CNTN3: variants seen among roughly 807,000 people sequenced by gnomAD.
CNTN3 encodes contactin-3.
CNTN3 carries 60 observed loss-of-function variants against 119.1 expected under a neutral mutation model. That is an observed-to-expected ratio of 0.50 (90% CI 0.41 to 0.62). The LOEUF (loss-of-function observed/expected upper bound fraction) is 0.62. Ranked by LOEUF, CNTN3 falls within the 20% of genes least tolerant of loss-of-function variation. The pLI is 0.00. For missense variants in CNTN3, 1,101 were observed against 1,242.4 expected (o/e 0.89, Z 1.71); for synonymous variants, 450 against 438.7 (o/e 1.03, Z -0.32).
chr3:74,452,902 G>C (rs1043503340), intron 4 of CNTN3, among the ~76,000 whole-genome samples: 4 of 151,520 alleles, frequency 2.6e-5, no homozygotes, highest in Non-Finnish European at 4.4e-5. Flanking sequence ...TTGATGTGCT[G>C]CTGGATTCGG....
chr3:74,543,523 T>C (rs1044619141), intron 1 of CNTN3, among the ~76,000 whole-genome samples: 3 of 152,202 alleles, frequency 2.0e-5, no homozygotes, highest in African/African-American at 4.8e-5. Flanking sequence ...TTAATGAATA[T>C]AAATAAGCTA....
chr3:74,520,483 A>C (rs534969564), intron 2 of CNTN3, among the ~76,000 whole-genome samples: 1 of 151,502 alleles, frequency 6.6e-6, no homozygotes, highest in Non-Finnish European at 1.5e-5. Flanking sequence ...AAAATAAAAT[A>C]AAATTAACAA....
At chr3:74,475,373 C>T (rs1014889837) in intron 4 of CNTN3, among the ~76,000 whole-genome samples, 2 of 152,158 alleles carry the variant, frequency 1.3e-5, no homozygotes, top group African/African-American at 4.8e-5. Context: ...ACCGTGGTTG[C>T]TGGAACAGTG....
At chr3:74,473,128 C>G (rs150941042) in intron 4 of CNTN3, among the ~76,000 whole-genome samples, 334 of 149,784 alleles carry the variant, frequency 2.2e-3, no homozygotes, top group Middle Eastern at 0.01. Context: ...CTGATAGGAG[C>G]AATGTGGTCA....
chr3:74,508,649 A>C lies in CNTN3; in HGVS notation c.56-8864T>G, dbSNP rs535700760. ...AATCCTTACTGCATGCTGGACTGTT[A>C]ACTTTTTTCCTTTATATTCTATTCT... is the stretch of plus-strand genomic sequence containing the variant. On this transcript the variant is annotated intron_variant, in intron 2 of 22. Transcript: ENST00000263665. Among the ~76,000 whole-genome samples, 35 of 145,880 alleles carry C rather than the reference A, an allele frequency of 2.4e-4. No individual in the cohort carries two copies. The Admixed American group carries it at 2.5e-3, about 10-fold the overall frequency.
intron 2 of CNTN3, among the ~76,000 whole-genome samples, chr3:74,501,868 C>T (rs1703172671): frequency 6.6e-6 from 1 of 151,618 alleles, no homozygotes; most frequent in Non-Finnish European, 1.5e-5. Flanking sequence ...TTGCTACTAA[C>T]ACTCCTAATT....
intron 2 of CNTN3, among the ~76,000 whole-genome samples, chr3:74,512,848 T>C (rs1038165711): frequency 7.2e-5 from 11 of 152,084 alleles, no homozygotes; most frequent in African/African-American, 2.7e-4. Context: ...ATTATCTACA[T>C]AATTATGCTC....
At chr3:74,563,410 A>T (rs1193824170) in intron 1 of CNTN3, among the ~76,000 whole-genome samples, 6 of 152,184 alleles carry the variant, frequency 3.9e-5, no homozygotes. Context: ...ACAAATGCAA[A>T]CATGTTAACA....
At chr3:74,455,551 G>A (rs1480401700) in intron 4 of CNTN3, among the ~76,000 whole-genome samples, 2 of 152,098 alleles carry the variant, frequency 1.3e-5, no homozygotes, top group Non-Finnish European at 2.9e-5. Flanking sequence ...GAGGAACTGC[G>A]ATCCTTTGGA....
chr3:74,396,511 C>T (rs1201379482), intron 5 of CNTN3, among the ~76,000 whole-genome samples: 1 of 152,042 alleles, frequency 6.6e-6, no homozygotes, highest in Non-Finnish European at 1.5e-5. Context: ...CTTTGGGAGG[C>T]CGAGGCGGGT....
rs895053200 is a variant in CNTN3 at position 74,444,940 on chromosome 3, A to C, written c.359-20000T>G. 2.0e-5 allele frequency among the ~76,000 whole-genome samples: 3 copies of C among 152,224 alleles called. No homozygotes were observed. In the East Asian group the frequency reaches 5.8e-4, roughly 29 times the overall value. On this transcript the variant is annotated intron_variant, in intron 4 of 22. Transcript: ENST00000263665. ...TGTAGCACCAAAATCTCTTCCCCAC[A>C]ATGCCACACATCCTAATATGAAAAG...
chr3:74,501,490 A>G (rs1190980944), intron 2 of CNTN3, among the ~76,000 whole-genome samples: 1 of 152,094 alleles, frequency 6.6e-6, no homozygotes, highest in African/African-American at 2.4e-5. Context: ...TGATTTTAGT[A>G]TGGATCCTTT....
chr3:74,600,294 TG>T (rs1385591620), intron 1 of CNTN3, among the ~76,000 whole-genome samples: 3 of 152,084 alleles, frequency 2.0e-5, no homozygotes, highest in Non-Finnish European at 4.4e-5. Flanking sequence ...TGGAGAAAAG[TG>T]GGACCAACTT....
chr3:74,498,982 A>C (rs1213270155), intron 3 of CNTN3, among the ~76,000 whole-genome samples: 1 of 151,888 alleles, frequency 6.6e-6, no homozygotes, highest in Non-Finnish European at 1.5e-5. Flanking sequence ...TTAATAATAC[A>C]AATACCCATC....
At chr3:74,504,448 CTT>C (rs1703217360) in intron 2 of CNTN3, among the ~76,000 whole-genome samples, 1 of 152,098 alleles carries the variant, frequency 6.6e-6, no homozygotes, top group South Asian at 2.1e-4. Context: ...TAGGAAAAAA[CTT>C]TTAAAAGATG....
At chr3:74,277,566 A>T (rs1287265994) in intron 20 of CNTN3, among the ~76,000 whole-genome samples, 2 of 152,182 alleles carry the variant, frequency 1.3e-5, no homozygotes, top group African/African-American at 2.4e-5. Context: ...AAAATCCAGC[A>T]TCCCTTTATG....
At chr3:74,269,707 C>CTA (rs539620563) in intron 20 of CNTN3, among the ~76,000 whole-genome samples, 50 of 152,182 alleles carry the variant, frequency 3.3e-4, no homozygotes, top group Non-Finnish European at 5.4e-4. Context: ...TGGACACATG[C>CTA]TATAACATGG....
intron 1 of CNTN3, among the ~76,000 whole-genome samples, chr3:74,567,459 C>G (rs1277161901): frequency 6.6e-6 from 1 of 151,592 alleles, no homozygotes; most frequent in Non-Finnish European, 1.5e-5. Flanking sequence ...CATGCCTGGC[C>G]TAGCATGACT....
intron 13 of CNTN3, among the ~76,000 whole-genome samples, chr3:74,324,853 G>T (rs1179042350): frequency 2.0e-5 from 3 of 152,124 alleles, no homozygotes; most frequent in Admixed American, 2.0e-4. Flanking sequence ...CATAAAATTT[G>T]TCCTCTGTGA....
Sources: gnomAD v4.1 joint callset for allele counts (sites outside exome capture counted in the v4.1 genomes callset) on GRCh38, gnomAD v4.1.1 for gene constraint, MANE v1.5 for transcripts, NCBI Gene and HGNC (gene_info 2026-07-23, HGNC 2026-07-21) for gene names.